The following SLC44A5 variants were observed in gnomAD, a reference collection of about 807,000 sequenced individuals.
SLC44A5 encodes solute carrier family 44 member 5.
Under a neutral mutation model 101.8 loss-of-function variants are expected in SLC44A5, and 57 were observed. That is an observed-to-expected ratio of 0.56 (90% CI 0.45 to 0.70). The LOEUF (loss-of-function observed/expected upper bound fraction) is 0.70, where lower values mean the gene tolerates loss of function less well. SLC44A5 is among the 30% of genes least tolerant of loss of function. The pLI, the probability that SLC44A5 is intolerant of heterozygous loss-of-function variation, is 0.00. For synonymous variants in SLC44A5, 281 were observed against 290.9 expected, an observed-to-expected ratio of 0.97 and a Z score of 0.35; for missense variants, 737 against 853.1, an observed-to-expected ratio of 0.86 and a Z score of 1.70.
At chr1:75,640,071 A>T in the SLC44A5 span, among the ~76,000 whole-genome samples, 2 of 152,084 alleles carry the variant, frequency 1.3e-5, no homozygotes, top group African/African-American at 4.8e-5. Context: ...TATGTAAGTT[A>T]CTTGTTACTG....
the SLC44A5 span, among the ~76,000 whole-genome samples, chr1:75,617,296 C>T: frequency 4.6e-5 from 7 of 152,114 alleles, no homozygotes; most frequent in Admixed American, 1.3e-4. Context: ...ATCTGATTGT[C>T]TAAACATTCA....
intron 2 of SLC44A5, among the ~76,000 whole-genome samples, chr1:75,455,056 A>G (rs1666110847): frequency 6.6e-6 from 1 of 152,168 alleles, no homozygotes; most frequent in South Asian, 2.1e-4. Flanking sequence ...AAGAGCCCAA[A>G]TAGCCCAGAC....
At chr1:75,503,955 C>T (rs1441998334) in intron 2 of SLC44A5, among the ~76,000 whole-genome samples, 1 of 151,938 alleles carries the variant, frequency 6.6e-6, no homozygotes, top group African/African-American at 2.4e-5. Flanking sequence ...TTTTTTTTGT[C>T]TACATTTTGC....
the SLC44A5 span, among the ~76,000 whole-genome samples, chr1:75,619,466 C>T: frequency 1.4e-4 from 21 of 151,910 alleles, no homozygotes; most frequent in East Asian, 3.9e-4. Context: ...GGAATGAAAA[C>T]GTCGGGGCTG....
the SLC44A5 span, among the ~76,000 whole-genome samples, chr1:75,618,328 G>C: frequency 1.3e-5 from 2 of 152,168 alleles, no homozygotes; most frequent in Non-Finnish European, 2.9e-5. Context: ...CATCAAAAGA[G>C]GTTTATTCAG....
chr1:75,222,192 G>T (rs1281184382), intron 14 of SLC44A5, among the ~76,000 whole-genome samples, 169 bp downstream of exon 14: 3 of 152,064 alleles, frequency 2.0e-5, no homozygotes, highest in Non-Finnish European at 4.4e-5. Context: ...CCGACCTCAG[G>T]TGACCAGCCT....
rs1654858447 is a variant in SLC44A5 at position 75,305,835 on chromosome 1, CCTT to C, written c.102-5153_102-5151del. 2.6e-5 allele frequency among the ~76,000 whole-genome samples: 4 copies of C among 152,208 alleles called. No homozygotes were observed. In the South Asian group the frequency reaches 8.3e-4, roughly 32 times the overall value. ...CTTCAAGTCAGCTGAAATGTCACCT[CCTT>C]CTTGAAGTTTTCAACTAGAAGAGCT... On this transcript the variant is annotated intron_variant, in intron 4 of 23. Transcript: ENST00000370859.
At chr1:75,454,179 A>G (rs538682617) in intron 2 of SLC44A5, among the ~76,000 whole-genome samples, 48 of 152,264 alleles carry the variant, frequency 3.2e-4, no homozygotes, top group African/African-American at 1.1e-3. Flanking sequence ...ATCCAGCATC[A>G]CATTAAAAAA....
chr1:75,251,132 C>A, intron 7 of SLC44A5, 78 bp downstream of exon 7: 1 of 1,180,472 alleles, frequency 8.5e-7, no homozygotes, highest in South Asian at 1.3e-5. Context: ...ACAGAGAACT[C>A]AAATGGAATT....
At chr1:75,479,653 G>A (rs960479800) in intron 2 of SLC44A5, among the ~76,000 whole-genome samples, 7 of 152,212 alleles carry the variant, frequency 4.6e-5, no homozygotes, top group Admixed American at 1.3e-4. Flanking sequence ...AAATCTAGAA[G>A]AAATGGATAA....
At chr1:75,691,054 AT>A in the SLC44A5 span, among the ~76,000 whole-genome samples, 1 of 151,984 alleles carries the variant, frequency 6.6e-6, no homozygotes, top group Non-Finnish European at 1.5e-5. Flanking sequence ...ACTCTCTTGA[AT>A]ACACATGCAC....
At chr1:75,305,625 G>A (rs1360093233) in intron 4 of SLC44A5, among the ~76,000 whole-genome samples, 1 of 152,120 alleles carries the variant, frequency 6.6e-6, no homozygotes, top group Non-Finnish European at 1.5e-5. Flanking sequence ...CAGCCCTTGG[G>A]CACACTCAGA....
In SLC44A5 at chr1:75,573,155, G is replaced by T. The variant is rs1265524229; in HGVS notation, c.-69-31639C>A. 3.6e-5 allele frequency among the ~76,000 whole-genome samples: 4 copies of T among 110,586 alleles called. No homozygotes were observed. In the East Asian group the frequency reaches 9.4e-4, roughly 26 times the overall value. The allele number at this position is 110,586 out of a possible 152,430, so 72.5% of individuals were successfully genotyped here. ...AAAAAAAAAAAAAAAAAAAAAAAAA[G>T]GAAATAGTATATAAAGGTACTAAAG... On this transcript the variant is annotated intron_variant, in intron 1 of 23. Coordinates refer to ENST00000370859, the MANE Select transcript of SLC44A5 (RefSeq NM_001130058.2).
rs748117120 is a variant in SLC44A5, at chr1:75,203,776, G to T, written c.2105C>A (p.Pro702His). The T allele has an allele frequency of 6.5e-7, 1 of 1,549,960 alleles. No homozygotes were observed. The highest frequency in any genetic ancestry group is 1.2e-5 in the South Asian group (1 of 83,680). ...TTCCTCCTGGAAAATCTTCAGCAAA[G>T]GTTGACTCACATAATAAGGTCTTGC... is the stretch of plus-strand genomic sequence containing the variant. The part of the protein sequence containing the change: ...STARPYYVSQ[P>H]LLKIFQEENP... Residue 702 changes from proline to histidine, a missense_variant, in exon 24 of 24, where the codon CCT becomes CAT. Physicochemically the swap from Pro to His is moderately conservative, Grantham distance 77 (BLOSUM62 -2). This residue lies in a region of SLC44A5 where 61 missense variants were observed against 56.5 expected (regional missense o/e 1.08). Transcript: ENST00000370859.
intron 6 of SLC44A5, among the ~76,000 whole-genome samples, chr1:75,255,122 C>T (rs1278621749): frequency 6.6e-6 from 1 of 152,042 alleles, no homozygotes; most frequent in Admixed American, 6.5e-5. Flanking sequence ...CCACATGGTG[C>T]AGAGGCCTCC....
At chr1:75,661,762 TAGTC>T in the SLC44A5 span, among the ~76,000 whole-genome samples, 2 of 152,064 alleles carry the variant, frequency 1.3e-5, no homozygotes, top group East Asian at 1.9e-4. Flanking sequence ...ACATCACTAA[TAGTC>T]AGGAAAATGC....
At chr1:75,492,606 T>A (rs1333967791) in intron 2 of SLC44A5, among the ~76,000 whole-genome samples, 1 of 152,030 alleles carries the variant, frequency 6.6e-6, no homozygotes, top group Non-Finnish European at 1.5e-5. Context: ...TACAACATGC[T>A]AAGAAAGCAC....
chr1:75,342,430 T>C (rs1657953789), intron 3 of SLC44A5, among the ~76,000 whole-genome samples: 1 of 152,148 alleles, frequency 6.6e-6, no homozygotes, highest in African/African-American at 2.4e-5. Context: ...TATGCCATTA[T>C]TATTATTCTA....
At chr1:75,577,145 C>A (rs1332979080) in intron 1 of SLC44A5, among the ~76,000 whole-genome samples, 1 of 152,192 alleles carries the variant, frequency 6.6e-6, no homozygotes, top group Admixed American at 6.5e-5. Context: ...CTCCACACTC[C>A]ACCCCTACCC....
Sources: allele counts gnomAD v4.1 joint callset (sites outside exome capture counted in the v4.1 genomes callset), GRCh38; gene constraint gnomAD v4.1.1; regional missense constraint gnomAD v4.1.1; transcripts MANE v1.5; gene names NCBI Gene and HGNC (gene_info 2026-07-23, HGNC 2026-07-21).